Variants in PARN observed in about 807,000 individuals in gnomAD.
PARN encodes the protein poly(A)-specific ribonuclease PARN.
In PARN, 71 loss-of-function variants were observed where a neutral mutation model predicts 102.8. The ratio of observed to expected loss-of-function variants is 0.69; its 90% CI spans 0.57 to 0.84. The LOEUF is 0.84. Among genes scored for constraint, PARN ranks in the 40% least tolerant of loss-of-function variants. PARN has a pLI of 0.00. For synonymous variants in PARN, 261 were observed against 252.9 expected (o/e 1.03, Z -0.30); for missense variants, 782 against 760.9 (o/e 1.03, Z -0.33).
At chr16:14,574,581 CGCACACCTGTAATCCCAGCTACTCAG>C (rs1406367491) in intron 18 of PARN, among the ~76,000 whole-genome samples, 8 of 151,922 alleles carry the variant, frequency 5.3e-5, no homozygotes, top group Non-Finnish European at 1.2e-4. Context: ...GGCGTGGTGG[CGCACACCTGTAATCCCAGCTACTCAG>C]GAGGCTGAGG....
chr16:14,580,172 G>C (rs1393342331), intron 18 of PARN, among the ~76,000 whole-genome samples: 1 of 152,012 alleles, frequency 6.6e-6, no homozygotes. Context: ...GGGTTTCACC[G>C]TGTTAGCCAG....
chr16:14,557,456 C>T (rs1967761019), intron 18 of PARN, among the ~76,000 whole-genome samples: 1 of 150,720 alleles, frequency 6.6e-6, no homozygotes, highest in Non-Finnish European at 1.5e-5. Flanking sequence ...ACTCGGGAGG[C>T]TAAGGCAGGA....
chr16:14,442,925 T>C (rs1172519277), intron 23 of PARN, among the ~76,000 whole-genome samples: 2 of 152,244 alleles, frequency 1.3e-5, no homozygotes, highest in East Asian at 1.9e-4. Context: ...AAAGTCTAGA[T>C]TGGTAATTGT....
intron 5 of PARN, among the ~76,000 whole-genome samples, chr16:14,625,389 C>T (rs904378285): frequency 6.6e-6 from 1 of 151,910 alleles, no homozygotes; most frequent in Non-Finnish European, 1.5e-5. Flanking sequence ...CCCAGCTACT[C>T]GGGAGGCTGA....
At chr16:14,570,815 CAAAAAAAAAA>C (rs761919651) in intron 18 of PARN, among the ~76,000 whole-genome samples, 7 of 38,754 alleles carry the variant, frequency 1.8e-4, no homozygotes, top group East Asian at 9.3e-4. Flanking sequence ...CCCACCTCTA[CAAAAAAAAAA>C]AAAAAAAAAA....
chr16:14,582,867 T>A (rs1969616145), intron 16 of PARN, among the ~76,000 whole-genome samples: 1 of 152,136 alleles, frequency 6.6e-6, no homozygotes, highest in Non-Finnish European at 1.5e-5. Context: ...TAATATAAGT[T>A]AAACTCTTAC....
chr16:14,529,956 T>G (rs1368171432), intron 21 of PARN, among the ~76,000 whole-genome samples: 1 of 150,796 alleles, frequency 6.6e-6, no homozygotes, highest in African/African-American at 2.4e-5. Context: ...GCCTCTGAAC[T>G]CTAAACGATT....
intron 3 of PARN, 92 bp downstream of exon 3, chr16:14,628,080 C>G (rs1219113091): frequency 1.2e-6 from 1 of 811,400 alleles, no homozygotes; most frequent in African/African-American, 1.7e-5. Flanking sequence ...ACTTACAAAA[C>G]CTTAATGCAC....
At chr16:14,493,041 T>C (rs1964137090) in intron 21 of PARN, among the ~76,000 whole-genome samples, 1 of 152,120 alleles carries the variant, frequency 6.6e-6, no homozygotes, top group Non-Finnish European at 1.5e-5. Context: ...CCAAAGCCAA[T>C]ATAAGACATT....
intron 18 of PARN, among the ~76,000 whole-genome samples, chr16:14,565,421 AAAC>A (rs1567391726): frequency 2.0e-5 from 3 of 146,844 alleles, no homozygotes; most frequent in Non-Finnish European, 3.1e-5. Context: ...AAAAAAAAAA[AAAC>A]AAAGGAAGAA....
chr16:14,625,412 G>A (rs1972583470), intron 5 of PARN, among the ~76,000 whole-genome samples: 1 of 152,028 alleles, frequency 6.6e-6, no homozygotes, highest in South Asian at 2.1e-4. Context: ...CAGGAGAATC[G>A]CTTCCACCCA....
chr16:14,505,075 T>C (rs1964817741), intron 21 of PARN, among the ~76,000 whole-genome samples: 1 of 152,338 alleles, frequency 6.6e-6, no homozygotes, highest in South Asian at 2.1e-4. Context: ...CACATAACAA[T>C]GCAAGATGCC....
At chr16:14,573,492 G>A (rs1203011525) in intron 18 of PARN, among the ~76,000 whole-genome samples, 1 of 152,016 alleles carries the variant, frequency 6.6e-6, no homozygotes, top group Non-Finnish European at 1.5e-5. Flanking sequence ...TTCAAGAAAC[G>A]GAAAAGAATA....
At chr16:14,466,067 G>A (rs558896107) in intron 22 of PARN, among the ~76,000 whole-genome samples, 66 of 152,204 alleles carry the variant, frequency 4.3e-4, no homozygotes, top group East Asian at 2.1e-3. Context: ...CCTGGGTGAC[G>A]AAATAATCTG....
At chr16:14,497,212 T>C (rs1190515736) in intron 21 of PARN, among the ~76,000 whole-genome samples, 1 of 151,996 alleles carries the variant, frequency 6.6e-6, no homozygotes, top group African/African-American at 2.4e-5. Context: ...CCTGACCCAC[T>C]AAACAAGCCC....
intron 5 of PARN, among the ~76,000 whole-genome samples, chr16:14,621,930 C>T (rs111663351): frequency 1.5e-3 from 233 of 152,272 alleles, no homozygotes; most frequent in African/African-American, 3.1e-3. Context: ...CAGTGTCTCA[C>T]GCCTGTAATT....
At chr16:14,565,409 G>C (rs906267138) in intron 18 of PARN, among the ~76,000 whole-genome samples, 1 of 136,578 alleles carries the variant, frequency 7.3e-6, no homozygotes, top group African/African-American at 2.8e-5. Flanking sequence ...AGAAACAAAG[G>C]CAAAAAAAAA....
intron 23 of PARN, among the ~76,000 whole-genome samples, chr16:14,438,893 C>T (rs1960827821): frequency 6.6e-6 from 1 of 152,206 alleles, no homozygotes; most frequent in Non-Finnish European, 1.5e-5. Context: ...AGGCCACTAA[C>T]AGCGTTCTTT....
chr16:14,518,696 G>A (rs1461207054), intron 21 of PARN, among the ~76,000 whole-genome samples: 1 of 152,136 alleles, frequency 6.6e-6, no homozygotes. Context: ...TCATTAAGGT[G>A]GGGAGAGAAC....
Sources: allele counts gnomAD v4.1 joint callset (sites outside exome capture counted in the v4.1 genomes callset), GRCh38; gene constraint gnomAD v4.1.1; transcripts MANE v1.5; gene names NCBI Gene and HGNC (gene_info 2026-07-23, HGNC 2026-07-21).